SRBD1: variants seen among roughly 807,000 people sequenced by gnomAD.
SRBD1 encodes the protein S1 RNA-binding domain-containing protein 1.
In SRBD1, 88 loss-of-function variants were observed where a neutral mutation model predicts 115.3. The observed-to-expected ratio is 0.76, with a 90% CI of 0.64 to 0.91. The LOEUF (loss-of-function observed/expected upper bound fraction) is 0.91. SRBD1 is among the 40% of genes least tolerant of loss of function. The pLI is 0.00. For missense variants in SRBD1, 1,385 were observed against 1,177.4 expected (o/e 1.18, Z -2.58); for synonymous variants, 509 against 407.7 (o/e 1.25, Z -2.99).
intron 16 of SRBD1, among the ~76,000 whole-genome samples, chr2:45,474,220 C>T (rs1216258790): frequency 1.3e-5 from 2 of 152,172 alleles, no homozygotes; most frequent in African/African-American, 4.8e-5. Context: ...TTCATTGTCT[C>T]ACTCGCTATT....
At chr2:45,477,420 T>C (rs1669836645) in intron 15 of SRBD1, among the ~76,000 whole-genome samples, 1 of 152,252 alleles carries the variant, frequency 6.6e-6, no homozygotes, top group African/African-American at 2.4e-5. Context: ...GGATACCTCA[T>C]GCTTCACAGA....
rs78450450 is a variant in SRBD1 at position 45,513,000 on chromosome 2, A to G, written c.1875-24669T>C. On this transcript the variant is annotated intron_variant, in intron 14 of 20. Coordinates refer to ENST00000263736, the MANE Select transcript of SRBD1 (RefSeq NM_018079.5). ...TAAACACACAAATTACCCCCAGAACACATGCCCCTCTGACAACAGAAAGCA... is the reference window on the plus strand; with the variant it reads ...TAAACACACAAATTACCCCCAGAACGCATGCCCCTCTGACAACAGAAAGCA... Among the ~76,000 whole-genome samples, 1,193 of 152,256 alleles carry G rather than the reference A, an allele frequency of 7.8e-3. 38 individuals carry two copies. Among genetic ancestry groups the G allele is most frequent in the East Asian group, 0.052 (271 of 5,186 alleles).
intron 1 of SRBD1, among the ~76,000 whole-genome samples, chr2:45,607,244 A>G (rs1351230367): frequency 1.3e-5 from 2 of 152,206 alleles, no homozygotes; most frequent in Non-Finnish European, 2.9e-5. Context: ...ATAAGAATGG[A>G]GGAAGTTAGT....
chr2:45,479,980 G>T (rs72880675), intron 15 of SRBD1, among the ~76,000 whole-genome samples: 2,021 of 152,184 alleles, frequency 0.013, 45 homozygotes, highest in African/African-American at 0.046. Flanking sequence ...GATCTACTCT[G>T]CTTGTGCTCT....
intron 5 of SRBD1, among the ~76,000 whole-genome samples, chr2:45,583,754 A>C (rs1194266071): frequency 6.6e-6 from 1 of 152,178 alleles, no homozygotes; most frequent in Non-Finnish European, 1.5e-5. Flanking sequence ...ATCATATCTC[A>C]TTACCAGAAA....
chr2:45,580,841 C>T (rs1025396541), intron 6 of SRBD1, among the ~76,000 whole-genome samples: 1 of 151,150 alleles, frequency 6.6e-6, no homozygotes, highest in East Asian at 2.0e-4. Flanking sequence ...CCCGCCACCA[C>T]GCCCAGCTAA....
intron 16 of SRBD1, among the ~76,000 whole-genome samples, chr2:45,466,048 C>G (rs559887533): frequency 2.6e-5 from 4 of 152,260 alleles, no homozygotes; most frequent in African/African-American, 9.6e-5. Context: ...GCTGAAGATA[C>G]AAGAAGTGGA....
intron 15 of SRBD1, among the ~76,000 whole-genome samples, chr2:45,479,080 G>A (rs1378017270): frequency 6.6e-6 from 1 of 152,016 alleles, no homozygotes; most frequent in Non-Finnish European, 1.5e-5. Flanking sequence ...AGAACACCAC[G>A]AACCACACCT....
chr2:45,603,922 C>G (rs944285208), intron 2 of SRBD1, among the ~76,000 whole-genome samples: 3 of 152,156 alleles, frequency 2.0e-5, no homozygotes, highest in African/African-American at 7.2e-5. Flanking sequence ...GTCCAGCAAT[C>G]ACATCAAACT....
chr2:45,455,504 C>A (rs573301244), intron 16 of SRBD1, among the ~76,000 whole-genome samples: 1 of 151,638 alleles, frequency 6.6e-6, no homozygotes, highest in African/African-American at 2.4e-5. Context: ...CATAAATGTG[C>A]GTAACTTGAC....
At chr2:45,466,943 C>T (rs770193989) in intron 16 of SRBD1, among the ~76,000 whole-genome samples, 3 of 152,202 alleles carry the variant, frequency 2.0e-5, no homozygotes, top group Non-Finnish European at 2.9e-5. Flanking sequence ...GAAACACAGA[C>T]TGTCATTGCT....
At chr2:45,500,125 G>A (rs1165020420) in intron 14 of SRBD1, among the ~76,000 whole-genome samples, 2 of 152,158 alleles carry the variant, frequency 1.3e-5, no homozygotes, top group Admixed American at 1.3e-4. Flanking sequence ...CCCAATCTAG[G>A]AGCATGGAAT....
rs58100763 is a variant in SRBD1, at chr2:45,571,517, C to CAAAAAAAAAAAA, written c.1305+1678_1305+1689dup. ...AAAATACAACATATCCAGACTTTAC[C>CAAAAAAAAAAAA]AAAAAAAAAAAAAAAAAAAAAAAAA... On this transcript the variant is annotated intron_variant, in intron 9 of 20. Coordinates refer to ENST00000263736, the MANE Select transcript of SRBD1 (RefSeq NM_018079.5). Among the ~76,000 whole-genome samples the CAAAAAAAAAAAA allele has an allele frequency of 1.9e-3, 76 of 39,402 alleles. 4 individuals carry two copies. The highest frequency in any genetic ancestry group is 2.8e-3 in the African/African-American group (31 of 11,164). The allele number at this position is 39,402 out of a possible 152,430, so 25.8% of individuals were successfully genotyped here.
At chr2:45,509,227 G>T (rs1670888101) in intron 14 of SRBD1, among the ~76,000 whole-genome samples, 1 of 152,040 alleles carries the variant, frequency 6.6e-6, no homozygotes, top group Non-Finnish European at 1.5e-5. Flanking sequence ...TCTAGAATAA[G>T]TCACTATTAT....
intron 16 of SRBD1, among the ~76,000 whole-genome samples, chr2:45,427,191 G>A (rs1279200328): frequency 6.7e-6 from 1 of 149,938 alleles, no homozygotes; most frequent in East Asian, 2.0e-4. Flanking sequence ...GAACATAAAT[G>A]ACCTGATGAA....
At chr2:45,517,432 C>T (rs921130486) in intron 14 of SRBD1, among the ~76,000 whole-genome samples, 2 of 152,100 alleles carry the variant, frequency 1.3e-5, no homozygotes, top group African/African-American at 2.4e-5. Context: ...TACAGCAGAG[C>T]AACTAAAAGC....
At chr2:45,403,341 AT>A (rs1407614248) in intron 19 of SRBD1, among the ~76,000 whole-genome samples, 1 of 151,950 alleles carries the variant, frequency 6.6e-6, no homozygotes, top group Non-Finnish European at 1.5e-5. Context: ...CAAAAAAAAA[AT>A]ACATGAATTA....
chr2:45,507,511 G>A (rs1670833363), intron 14 of SRBD1, among the ~76,000 whole-genome samples: 1 of 151,762 alleles, frequency 6.6e-6, no homozygotes. Context: ...CCTGAGGTCC[G>A]GAGTTCAAGA....
At chr2:45,524,300 T>A (rs756108813) in intron 14 of SRBD1, among the ~76,000 whole-genome samples, 1 of 152,030 alleles carries the variant, frequency 6.6e-6, no homozygotes, top group Non-Finnish European at 1.5e-5. Flanking sequence ...CTTCTAGCTA[T>A]GGTAATTAGG....
Sources: gnomAD v4.1 joint callset for allele counts (sites outside exome capture counted in the v4.1 genomes callset) on GRCh38, gnomAD v4.1.1 for gene constraint, MANE v1.5 for transcripts, NCBI Gene and HGNC (gene_info 2026-07-23, HGNC 2026-07-21) for gene names.